The following PCDH15 variants were observed in gnomAD, a reference collection of about 807,000 sequenced individuals.
PCDH15 encodes protocadherin-15.
Under a neutral mutation model 178.5 loss-of-function variants are expected in PCDH15, and 129 were observed. The observed-to-expected ratio is 0.72, with a 90% CI of 0.63 to 0.84. The LOEUF (loss-of-function observed/expected upper bound fraction) is 0.84. Ranked by LOEUF, PCDH15 falls within the 40% of genes least tolerant of loss-of-function variation. PCDH15 has a pLI of 0.00. For missense variants in PCDH15, 2,230 were observed against 2,099.9 expected, an observed-to-expected ratio of 1.06 and a Z score of -1.21; for synonymous variants, 800 against 732.0, an observed-to-expected ratio of 1.09 and a Z score of -1.50.
chr10:54,292,047 ATG>A (rs1343016572), intron 8 of PCDH15, among the ~76,000 whole-genome samples: 3 of 152,226 alleles, frequency 2.0e-5, no homozygotes, highest in African/African-American at 7.2e-5. Context: ...AATATCCCTG[ATG>A]AACATTGATG....
intron 1 of PCDH15, among the ~76,000 whole-genome samples, chr10:55,292,008 T>G (rs1298862470): frequency 6.6e-6 from 1 of 152,118 alleles, no homozygotes; most frequent in African/African-American, 2.4e-5. Context: ...ACATGGGAAT[T>G]CAAGATAAGA....
chr10:54,973,299 T>G (rs1366172733), intron 2 of PCDH15, among the ~76,000 whole-genome samples: 1 of 152,326 alleles, frequency 6.6e-6, no homozygotes, highest in East Asian at 1.9e-4. Context: ...GTGGGTTATA[T>G]TTATAGATAT....
intron 2 of PCDH15, among the ~76,000 whole-genome samples, chr10:55,115,122 C>T (rs1047585949): frequency 6.6e-6 from 1 of 152,098 alleles, no homozygotes; most frequent in Admixed American, 6.6e-5. Flanking sequence ...AAATTCTATA[C>T]TTGAACCATT....
At chr10:54,840,047 A>C (rs888740424) in intron 3 of PCDH15, among the ~76,000 whole-genome samples, 2 of 152,138 alleles carry the variant, frequency 1.3e-5, no homozygotes, top group Non-Finnish European at 2.9e-5. Context: ...CCTTATAATA[A>C]ATGCCAAAAG....
rs573416025 is a variant in PCDH15, at chr10:54,733,921, C to T, written c.-29+67004G>A. ...CAAAAATGGACCTTCACCTGTACTT[C>T]ACATTTTTTATCAAAATCAACAGTA... On this transcript the variant is annotated intron_variant, in intron 1 of 37. Coordinates refer to ENST00000644397, the MANE Select transcript of PCDH15 (RefSeq NM_001384140.1). 2.8e-3 allele frequency among the ~76,000 whole-genome samples: 418 copies of T among 150,988 alleles called. 2 individuals carry two copies. The highest frequency in any genetic ancestry group is 9.7e-3 in the African/African-American group (400 of 41,348).
intron 2 of PCDH15, among the ~76,000 whole-genome samples, chr10:55,560,108 G>A (rs574574076): frequency 1.2e-4 from 18 of 151,864 alleles, no homozygotes; most frequent in East Asian, 5.8e-4. Context: ...CAAACATGTC[G>A]TATCATTTGT....
chr10:55,137,732 C>A (rs1006379118), intron 2 of PCDH15, among the ~76,000 whole-genome samples: 1 of 151,946 alleles, frequency 6.6e-6, no homozygotes, highest in African/African-American at 2.4e-5. Flanking sequence ...CAGGAACAAG[C>A]TTTAAAAGTT....
At chr10:54,564,660 G>T (rs1395860021) in intron 2 of PCDH15, among the ~76,000 whole-genome samples, 1 of 151,998 alleles carries the variant, frequency 6.6e-6, no homozygotes, top group Non-Finnish European at 1.5e-5. Flanking sequence ...TTTTTAGTGA[G>T]AAAGCAGGTA....
At chr10:54,570,738 G>A (rs994852717) in intron 2 of PCDH15, among the ~76,000 whole-genome samples, 2 of 151,840 alleles carry the variant, frequency 1.3e-5, no homozygotes, top group East Asian at 1.9e-4. Flanking sequence ...CTGCAACCTC[G>A]GCCTCCAGGA....
chr10:54,189,617 A>C (rs1291749127), intron 11 of PCDH15, among the ~76,000 whole-genome samples: 1 of 152,164 alleles, frequency 6.6e-6, no homozygotes, highest in Non-Finnish European at 1.5e-5. Context: ...ATACCTCTTC[A>C]TAGTAAAATA....
intron 5 of PCDH15, among the ~76,000 whole-genome samples, chr10:54,368,488 G>T (rs1310142756): frequency 6.6e-6 from 1 of 150,990 alleles, no homozygotes; most frequent in Non-Finnish European, 1.5e-5. Context: ...CAGTAACCAC[G>T]GTTTAAAAAA....
chr10:54,993,378 G>T (rs1265414706), intron 2 of PCDH15, among the ~76,000 whole-genome samples: 1 of 152,122 alleles, frequency 6.6e-6, no homozygotes, highest in Non-Finnish European at 1.5e-5. Context: ...AAATGCAACT[G>T]CAATATCTAC....
At chr10:55,057,540 G>A (rs1424382081) in intron 2 of PCDH15, among the ~76,000 whole-genome samples, 1 of 152,076 alleles carries the variant, frequency 6.6e-6, no homozygotes, top group Non-Finnish European at 1.5e-5. Flanking sequence ...CACTCTACAA[G>A]TTGCTGTGGG....
intron 2 of PCDH15, among the ~76,000 whole-genome samples, chr10:55,587,516 C>T (rs1842748474): frequency 1.3e-5 from 2 of 152,132 alleles, no homozygotes; most frequent in South Asian, 2.1e-4. Flanking sequence ...CACCTCACTG[C>T]TCTTGTTGCC....
At chr10:54,972,487 C>G (rs1352565662) in intron 2 of PCDH15, among the ~76,000 whole-genome samples, 1 of 151,832 alleles carries the variant, frequency 6.6e-6, no homozygotes, top group Non-Finnish European at 1.5e-5. Flanking sequence ...TTGTAGTGAG[C>G]TGAGATCGCG....
At chr10:54,318,413 A>C (rs2061406206) in intron 7 of PCDH15, among the ~76,000 whole-genome samples, 1 of 152,136 alleles carries the variant, frequency 6.6e-6, no homozygotes, top group Non-Finnish European at 1.5e-5. Flanking sequence ...TCTAGTCTGT[A>C]TTCTGGTCTC....
At chr10:55,191,383 A>C (rs1244151521) in intron 1 of PCDH15, among the ~76,000 whole-genome samples, 2 of 151,814 alleles carry the variant, frequency 1.3e-5, no homozygotes, top group Non-Finnish European at 2.9e-5. Flanking sequence ...TTACCAAGAA[A>C]TGTAAGATCC....
rs115283267 is a variant in PCDH15, at chr10:54,243,485, C to A, written c.877-6554G>T. Among the ~76,000 whole-genome samples, 652 of 151,942 alleles carry A rather than the reference C, an allele frequency of 4.3e-3. 6 individuals are homozygous for A. Among genetic ancestry groups the A allele is most frequent in the African/African-American group, 0.015 (609 of 41,418 alleles). ...TTGTGCCACTGCACTCCAGTCTGGG[C>A]GACAGAGCAAGACTCAGCGTCAAAA... is the stretch of plus-strand genomic sequence containing the variant. On this transcript the variant is annotated intron_variant, in intron 8 of 37. Coordinates refer to ENST00000644397, the MANE Select transcript of PCDH15 (RefSeq NM_001384140.1).
intron 1 of PCDH15, among the ~76,000 whole-genome samples, chr10:55,169,145 T>C (rs1001358800): frequency 1.3e-5 from 2 of 152,148 alleles, no homozygotes; most frequent in Non-Finnish European, 2.9e-5. Flanking sequence ...ACTTCAATAT[T>C]AGCTAGAATA....
Sources: gnomAD v4.1 joint callset for allele counts (sites outside exome capture counted in the v4.1 genomes callset) on GRCh38, gnomAD v4.1.1 for gene constraint, MANE v1.5 for transcripts, NCBI Gene and HGNC (gene_info 2026-07-23, HGNC 2026-07-21) for gene names.